CNTN5: variants seen among roughly 807,000 people sequenced by gnomAD.
The protein encoded by CNTN5 is contactin 5, also known as contactin-5.
A neutral mutation model predicts 129.1 loss-of-function variants in CNTN5; 77 were observed. The observed-to-expected ratio is 0.60, with a 90% CI of 0.50 to 0.72. The LOEUF (loss-of-function observed/expected upper bound fraction) is 0.72. CNTN5 is among the 30% of genes least tolerant of loss of function. CNTN5 has a pLI of 0.00. For missense variants in CNTN5, 1,478 were observed against 1,328.8 expected (o/e 1.11, Z -1.75); for synonymous variants, 509 against 465.6 (o/e 1.09, Z -1.20).
At chr11:100,084,165 G>A (rs1944464732) in intron 13 of CNTN5, among the ~76,000 whole-genome samples, 1 of 152,110 alleles carries the variant, frequency 6.6e-6, no homozygotes, top group African/African-American at 2.4e-5. Flanking sequence ...TTGCCTGGTT[G>A]TGCTCTCCAC....
At chr11:99,321,755 G>T (rs1245863028) in intron 1 of CNTN5, among the ~76,000 whole-genome samples, 1 of 152,106 alleles carries the variant, frequency 6.6e-6, no homozygotes, top group South Asian at 2.1e-4. Flanking sequence ...AAGGGTAGTG[G>T]GTGATCTCAG....
intron 2 of CNTN5, among the ~76,000 whole-genome samples, chr11:99,412,106 A>G (rs1188020314): frequency 1.3e-5 from 2 of 152,210 alleles, no homozygotes; most frequent in South Asian, 2.1e-4. Context: ...AAGATGTATC[A>G]TAGATATGTA....
chr11:99,184,646 T>C (rs1379368460), intron 1 of CNTN5, among the ~76,000 whole-genome samples: 2 of 152,134 alleles, frequency 1.3e-5, no homozygotes, highest in South Asian at 4.1e-4. Context: ...TATAATTCCA[T>C]GATTATCAAG....
At chr11:99,923,976 G>T (rs1950001431) in intron 7 of CNTN5, among the ~76,000 whole-genome samples, 1 of 152,118 alleles carries the variant, frequency 6.6e-6, no homozygotes, top group African/African-American at 2.4e-5. Flanking sequence ...TGTTTTAGTA[G>T]AGACAGGGTT....
At chr11:99,932,097 T>G (rs1409669896) in intron 7 of CNTN5, among the ~76,000 whole-genome samples, 1 of 152,200 alleles carries the variant, frequency 6.6e-6, no homozygotes, top group African/African-American at 2.4e-5. Flanking sequence ...ACTGTATTCA[T>G]TTTTTTCAGC....
chr11:99,023,269 T>C (rs1446900340), intron 1 of CNTN5, among the ~76,000 whole-genome samples: 1 of 152,222 alleles, frequency 6.6e-6, no homozygotes, highest in African/African-American at 2.4e-5. Flanking sequence ...TTTACTTCAA[T>C]CTTATGTGTC....
At chr11:100,304,842 T>C (rs1951311076) in intron 20 of CNTN5, among the ~76,000 whole-genome samples, 1 of 150,396 alleles carries the variant, frequency 6.6e-6, no homozygotes. Context: ...ATGCTAGTAG[T>C]AGTAATATGG....
At chr11:99,323,241 A>G (rs1053966262) in intron 1 of CNTN5, among the ~76,000 whole-genome samples, 1 of 152,182 alleles carries the variant, frequency 6.6e-6, no homozygotes, top group Non-Finnish European at 1.5e-5. Flanking sequence ...AGATCTAAGC[A>G]TAAGTATATG....
chr11:99,708,253 C>G (rs1954834921), intron 3 of CNTN5, among the ~76,000 whole-genome samples: 2 of 151,652 alleles, frequency 1.3e-5, no homozygotes, highest in Admixed American at 1.3e-4. Context: ...ATTTTCAGAC[C>G]TTTTAAGAAA....
chr11:99,853,886 G>T (rs1248044317), intron 6 of CNTN5, among the ~76,000 whole-genome samples: 1 of 151,924 alleles, frequency 6.6e-6, no homozygotes, highest in Non-Finnish European at 1.5e-5. Context: ...CAGCCACACA[G>T]CTAGTAAGTA....
chr11:99,602,420 T>C (rs964480774), intron 3 of CNTN5, among the ~76,000 whole-genome samples: 1 of 152,092 alleles, frequency 6.6e-6, no homozygotes, highest in African/African-American at 2.4e-5. Flanking sequence ...TGAACTCAAG[T>C]GTTAGGTGAG....
At chr11:99,898,995 G>C (rs986104834) in intron 6 of CNTN5, among the ~76,000 whole-genome samples, 2 of 151,918 alleles carry the variant, frequency 1.3e-5, no homozygotes, top group Admixed American at 1.3e-4. Context: ...ATGAAACTAA[G>C]CTGTTGAGAT....
chr11:99,097,032 A>G (rs1186931381), intron 1 of CNTN5, among the ~76,000 whole-genome samples: 1 of 151,926 alleles, frequency 6.6e-6, no homozygotes, highest in Non-Finnish European at 1.5e-5. Flanking sequence ...AGCTATCACT[A>G]TGTTCTGTGC....
chr11:100,134,833 C>A lies in CNTN5; in HGVS notation c.1581-56293C>A, dbSNP rs543286330. Among the ~76,000 whole-genome samples the A allele has an allele frequency of 2.0e-5, 3 of 152,230 alleles. No individual in the cohort carries two copies. The East Asian group carries it at 5.8e-4, about 30-fold the overall frequency. On this transcript the variant is annotated intron_variant, in intron 13 of 24. Coordinates refer to ENST00000524871, the MANE Select transcript of CNTN5 (RefSeq NM_014361.4). ...CCAAATACAAGCACAGTGAGTTGCCCTGTCTCTGTATTTCAGTTGTATTTT... is the reference window on the plus strand; with the variant it reads ...CCAAATACAAGCACAGTGAGTTGCCATGTCTCTGTATTTCAGTTGTATTTT...
rs118000903 is a variant in CNTN5, at chr11:100,008,561, T to C, written c.980+6425T>C. On this transcript the variant is annotated intron_variant, in intron 9 of 24. Transcript: ENST00000524871. ...TATCTTCCAGGATTTCCATAGTCTC[T>C]GTTCTCAAAGAAATTGCATTATATC... Among the ~76,000 whole-genome samples, 164 of 152,236 alleles carry C rather than the reference T, an allele frequency of 1.1e-3. 1 individual carries two copies. The highest frequency in any genetic ancestry group is 5.0e-3 in the South Asian group (24 of 4,832).
chr11:100,171,872 GA>G (rs1947838021), intron 13 of CNTN5, among the ~76,000 whole-genome samples: 2 of 151,758 alleles, frequency 1.3e-5, no homozygotes, highest in Admixed American at 6.6e-5. Flanking sequence ...ATATATAGTA[GA>G]AAAAAATGTT....
At chr11:99,712,902 T>C (rs575354584) in intron 3 of CNTN5, among the ~76,000 whole-genome samples, 5 of 152,262 alleles carry the variant, frequency 3.3e-5, no homozygotes, top group African/African-American at 9.6e-5. Flanking sequence ...TAGTTTGAAG[T>C]AAGGTAGAGT....
intron 1 of CNTN5, among the ~76,000 whole-genome samples, chr11:99,258,691 T>C (rs1565444008): frequency 6.6e-6 from 1 of 151,950 alleles, no homozygotes; most frequent in Non-Finnish European, 1.5e-5. Flanking sequence ...TGTCAAATTA[T>C]ACGTTGTATC....
At chr11:100,341,291 C>A in intron 23 of CNTN5, 86 bp downstream of exon 23, 1 of 922,286 alleles carries the variant, frequency 1.1e-6, no homozygotes. Flanking sequence ...CATAAAAAGA[C>A]CCATTAACCA....
Sources: gnomAD v4.1 joint callset for allele counts (sites outside exome capture counted in the v4.1 genomes callset) on GRCh38, gnomAD v4.1.1 for gene constraint, MANE v1.5 for transcripts, NCBI Gene and HGNC (gene_info 2026-07-23, HGNC 2026-07-21) for gene names.